SEPTIN6: variants seen among roughly 807,000 people sequenced by gnomAD.
SEPTIN6 encodes the protein septin 6, also known as septin-6.
SEPTIN6 carries 8 observed loss-of-function variants against 33.6 expected under a neutral mutation model. The ratio of observed to expected loss-of-function variants is 0.24; its 90% CI spans 0.14 to 0.43. The LOEUF is 0.43. Ranked by LOEUF, SEPTIN6 falls within the 20% of genes least tolerant of loss-of-function variation. The probability of loss-of-function intolerance (pLI) is 1.00; values close to 1 mark genes in which losing one functional copy is unlikely to be tolerated. For missense variants in SEPTIN6, 250 were observed against 340.8 expected (o/e 0.73, Z 2.10); for synonymous variants, 131 against 140.0 (o/e 0.94, Z 0.45).
chrX:119,616,685 T>A, downstream of SEPTIN6: 3 of 1,192,011 alleles, frequency 2.5e-6, no homozygotes, highest in Non-Finnish European at 3.4e-6. Flanking sequence ...AACTCTTCTA[T>A]AATGGCAGTC....
At chrX:119,616,600 G>C (rs773812233), downstream of SEPTIN6, 19 of 715,278 alleles carry the variant, frequency 2.7e-5, no homozygotes, top group Non-Finnish European at 4.2e-5. Flanking sequence ...GAGTGGTGTG[G>C]TGTATGTGTG....
At position 119,617,174 on chromosome X, in the gene SEPTIN6, GA is replaced by G. The variant is rs1342170333; in HGVS notation, c.*2918del. ...TTTCAGAAAAGCCACTCCAGTCTGG[GA>G]AAATAAAAGCACAGACCATTTCTAA... On this transcript the variant is annotated 3_prime_UTR_variant, in exon 11 of 11. Coordinates refer to ENST00000394610, the MANE Select transcript of SEPTIN6 (RefSeq NM_145799.4). 21 of 813,253 alleles carry G rather than the reference GA, an allele frequency of 2.6e-5. No homozygotes were observed. The African/African-American group carries it at 4.5e-4, about 17-fold the overall frequency. The allele number at this position is 813,253 out of a possible 1,213,427, so 67.0% of individuals were successfully genotyped here.
chrX:119,678,506 G>C (rs771133456), intron 1 of SEPTIN6, among the ~76,000 whole-genome samples: 1 of 106,288 alleles, frequency 9.4e-6, no homozygotes, highest in Non-Finnish European at 1.9e-5. Context: ...GCGACAGAGC[G>C]AGACTCCGTC....
At chrX:119,651,259 G>A (rs1249301289) in intron 4 of SEPTIN6, among the ~76,000 whole-genome samples, 1 of 112,199 alleles carries the variant, frequency 8.9e-6, no homozygotes, top group Non-Finnish European at 1.9e-5. Context: ...AGACTGAACC[G>A]TGGAGGCACC....
chrX:119,691,875 AT>A (rs774017979), intron 1 of SEPTIN6, among the ~76,000 whole-genome samples: 1 of 111,238 alleles, frequency 9.0e-6, no homozygotes, highest in South Asian at 3.8e-4. Flanking sequence ...GTGTCATGGG[AT>A]TTGACCTACC....
At chrX:119,616,278 T>C (rs1684579686), downstream of SEPTIN6, 1 of 291,844 alleles carries the variant, frequency 3.4e-6, no homozygotes. Flanking sequence ...TATTCAGAAA[T>C]GTTTAACAGT....
Position 119,618,754 on chromosome X carries a change from G to A in SEPTIN6, c.*1339C>T, listed in dbSNP as rs199918987. 4.0e-5 allele frequency: 48 copies of A among 1,206,521 alleles called. No homozygotes were observed. The East Asian group carries it at 8.0e-4, about 20-fold the overall frequency. On this transcript the variant is annotated 3_prime_UTR_variant, in exon 11 of 11. Coordinates refer to ENST00000394610, the MANE Select transcript of SEPTIN6 (RefSeq NM_145799.4). The stretch of plus-strand genomic sequence containing the variant: ...AAATGGAGTCCAGTCCAGCTGTAGC[G>A]GGGAATACTATTCAGTACACAGCCA...
At chrX:119,651,338 T>C (rs2054348012) in intron 4 of SEPTIN6, among the ~76,000 whole-genome samples, 1 of 111,963 alleles carries the variant, frequency 8.9e-6, no homozygotes, top group Non-Finnish European at 1.9e-5. Flanking sequence ...GCAGAGCCTA[T>C]TCTCCTTGGC....
At chrX:119,661,967 A>G (rs894908038) in intron 3 of SEPTIN6, among the ~76,000 whole-genome samples, 1 of 111,930 alleles carries the variant, frequency 8.9e-6, no homozygotes, top group African/African-American at 3.2e-5. Flanking sequence ...TGAATTCCTG[A>G]CTTCAAGTGA....
intron 8 of SEPTIN6, among the ~76,000 whole-genome samples, chrX:119,631,033 G>A (rs1281120593): frequency 9.0e-6 from 1 of 111,382 alleles, no homozygotes; most frequent in Middle Eastern, 4.2e-3. Flanking sequence ...TTTCTTTCAT[G>A]GATTCAGGAG....
In SEPTIN6 at chrX:119,637,088, G is replaced by A. The variant is rs778251936; in HGVS notation, c.895C>T (p.Arg299Cys). 3 of 1,211,344 alleles carry A rather than the reference G, an allele frequency of 2.5e-6. No individual in the cohort carries two copies. Among genetic ancestry groups the A allele is most frequent in the Admixed American group, 2.2e-5 (1 of 45,994 alleles). The change falls in exon 7 of 11, where the codon CGC becomes TGC. Residue 299 changes from arginine to cysteine, a missense_variant. Around this residue, in one of 2 missense-constraint regions of SEPTIN6, gnomAD observed 139 missense variants for 227.0 expected, o/e 0.61. Transcript: ENST00000394610. ...QTHTRHYELY[R>C]RCKLEEMGFK... ...CCCATCTCCTCCAGCTTACAGCGGC[G>A]ATACAGCTCATAGTGCCGGGTGTGG...
At chrX:119,692,877 C>T (rs1437976952) in intron 1 of SEPTIN6, among the ~76,000 whole-genome samples, 199 bp downstream of exon 1, 3 of 112,907 alleles carry the variant, frequency 2.7e-5, no homozygotes, top group African/African-American at 9.6e-5. Flanking sequence ...CTGCCGCCCC[C>T]CGCCCCCCGC....
At chrX:119,630,318 T>A (rs1248557304) in intron 8 of SEPTIN6, among the ~76,000 whole-genome samples, 1 of 111,755 alleles carries the variant, frequency 8.9e-6, no homozygotes, top group Non-Finnish European at 1.9e-5. Flanking sequence ...GAACATTATA[T>A]AATGGGACCT....
At position 119,663,592 on chromosome X, in the gene SEPTIN6, C is replaced by G. The variant is rs752602051; in HGVS notation, c.231G>C (p.Pro77=). ...FEGEPATHTQ[P]GVQLQSNTYD... is the part of the protein sequence containing the mutation. ...AGGTATTAGACTGGAGCTGGACACCCGGCTGTGTGTGGGTGGCTGGCTCCC... is the reference window on the plus strand; with the variant it reads ...AGGTATTAGACTGGAGCTGGACACCGGGCTGTGTGTGGGTGGCTGGCTCCC... The change falls in exon 3 of 11, where the codon CCG becomes CCC. Residue 77 remains proline, a synonymous_variant. Coordinates refer to ENST00000394610, the MANE Select transcript of SEPTIN6 (RefSeq NM_145799.4). 2 of 1,210,881 alleles carry G rather than the reference C, an allele frequency of 1.7e-6. No individual in the cohort carries two copies. The highest frequency in any genetic ancestry group is 2.3e-4 in the Middle Eastern group (1 of 4,356).
chrX:119,615,897 G>C (rs2053659852), downstream of SEPTIN6: 2 of 166,925 alleles, frequency 1.2e-5, no homozygotes, highest in Non-Finnish European at 2.3e-5. Flanking sequence ...AACACACACA[G>C]ATTCTGGAAA....
At chrX:119,677,116 G>T (rs765501311) in intron 1 of SEPTIN6, among the ~76,000 whole-genome samples, 44 of 106,539 alleles carry the variant, frequency 4.1e-4, no homozygotes, top group Non-Finnish European at 7.7e-4. Flanking sequence ...GAAGGGTACT[G>T]CATGGAACAC....
At chrX:119,667,480 C>T (rs1014397294) in intron 2 of SEPTIN6, among the ~76,000 whole-genome samples, 3 of 111,321 alleles carry the variant, frequency 2.7e-5, no homozygotes, top group Non-Finnish European at 3.8e-5. Flanking sequence ...AAAGAACACC[C>T]GGGTGTCTAG....
downstream of SEPTIN6, chrX:119,616,685 T>C (rs767136692): frequency 1.7e-6 from 2 of 1,192,011 alleles, no homozygotes; most frequent in African/African-American, 1.7e-5. Flanking sequence ...AACTCTTCTA[T>C]AATGGCAGTC....
At chrX:119,660,806 GAGC>G (rs2054523725) in intron 3 of SEPTIN6, among the ~76,000 whole-genome samples, 2 of 96,525 alleles carry the variant, frequency 2.1e-5, no homozygotes, top group Non-Finnish European at 4.0e-5. Context: ...AGGCGGGGGT[GAGC>G]GGGGGGGATC....
Sources: gnomAD v4.1 joint callset for allele counts (sites outside exome capture counted in the v4.1 genomes callset) on GRCh38, gnomAD v4.1.1 for gene constraint, gnomAD v4.1.1 regional missense constraint, MANE v1.5 for transcripts, NCBI Gene and HGNC (gene_info 2026-07-23, HGNC 2026-07-21) for gene names.